GABRG1: variants seen among roughly 807,000 people sequenced by gnomAD.
The protein encoded by GABRG1 is gamma-aminobutyric acid receptor subunit gamma-1.
In GABRG1, 49 loss-of-function variants were observed where a neutral mutation model predicts 49.8. The ratio of observed to expected loss-of-function variants is 0.98; its 90% CI spans 0.78 to 1.25. The LOEUF (loss-of-function observed/expected upper bound fraction) is 1.25. GABRG1 is among the 50% of genes most tolerant of loss of function. GABRG1 has a pLI of 0.00. For synonymous variants in GABRG1, 232 were observed against 185.1 expected, an observed-to-expected ratio of 1.25 and a Z score of -2.06; for missense variants, 552 against 552.3, an observed-to-expected ratio of 1.00 and a Z score of 0.01.
intron 1 of GABRG1, among the ~76,000 whole-genome samples, chr4:46,113,281 C>A (rs1195455839): frequency 6.6e-6 from 1 of 151,072 alleles, no homozygotes; most frequent in African/African-American, 2.4e-5. Context: ...AACTTACAAT[C>A]ATGGTGAAGG....
At chr4:46,069,245 A>T (rs1049025571) in intron 3 of GABRG1, among the ~76,000 whole-genome samples, 5 of 152,048 alleles carry the variant, frequency 3.3e-5, no homozygotes, top group Non-Finnish European at 4.4e-5. Context: ...ATCCTGATTT[A>T]TTATTCCTAT....
chr4:46,076,401 A>G (rs1719333644), intron 3 of GABRG1, among the ~76,000 whole-genome samples: 1 of 140,404 alleles, frequency 7.1e-6, no homozygotes, highest in South Asian at 2.3e-4. Context: ...ATATATATAT[A>G]TATGCTAAAT....
intron 2 of GABRG1, among the ~76,000 whole-genome samples, chr4:46,087,692 A>G (rs111297233): frequency 3.9e-5 from 6 of 151,942 alleles, no homozygotes; most frequent in Non-Finnish European, 7.4e-5. Flanking sequence ...TACCACATAT[A>G]GACTTTGAAA....
At chr4:46,112,477 T>C (rs1720747603) in intron 1 of GABRG1, among the ~76,000 whole-genome samples, 1 of 151,362 alleles carries the variant, frequency 6.6e-6, no homozygotes, top group Non-Finnish European at 1.5e-5. Flanking sequence ...AGCAATCCCA[T>C]TACTGGGTAT....
chr4:46,118,243 GATCTATCT>G (rs71652878), intron 1 of GABRG1, among the ~76,000 whole-genome samples: 3,450 of 144,460 alleles, frequency 0.024, 109 homozygotes, highest in African/African-American at 0.072. Context: ...ATTACATATA[GATCTATCT>G]ATCTATCTAT....
In GABRG1 at chr4:46,107,478, T is replaced by C. The variant is rs527459065; in HGVS notation, c.105-10129A>G. Among the ~76,000 whole-genome samples, 149 of 151,114 alleles carry C rather than the reference T, an allele frequency of 9.9e-4. 1 individual carries two copies. Among genetic ancestry groups the C allele is most frequent in the Non-Finnish European group, 1.8e-3 (118 of 67,376 alleles). On this transcript the variant is annotated intron_variant, in intron 1 of 8. Transcript: ENST00000295452. ...CTCATTGTTACTCAGTTCCTTCCTT[T>C]CTTGTTTCCTTTCCTTCTCTTCTTC...
At position 46,039,025 on chromosome 4, in the gene GABRG1, A is replaced by T. The variant is rs1275725108; in HGVS notation, c.*1963T>A. 9.2e-5 allele frequency: 14 copies of T among 151,882 alleles called. No homozygotes were observed. The highest frequency in any genetic ancestry group is 1.5e-5 in the Non-Finnish European group (1 of 67,720). The allele number at this position is 151,882 out of a possible 1,614,324, so 9.4% of individuals were successfully genotyped here. ...ATACACTTGAAAGAGTCCCAAAATC[A>T]AAACTGTCTCATGATAGTAAGCTAT... is the stretch of plus-strand genomic sequence containing the variant. On this transcript the variant is annotated 3_prime_UTR_variant, in exon 9 of 9. Coordinates refer to ENST00000295452, the MANE Select transcript of GABRG1 (RefSeq NM_173536.4).
chr4:46,117,252 G>A (rs939591911), intron 1 of GABRG1, among the ~76,000 whole-genome samples: 3 of 150,372 alleles, frequency 2.0e-5, no homozygotes, highest in Admixed American at 1.3e-4. Flanking sequence ...GTTTACTTCT[G>A]TATCTCTATT....
intron 1 of GABRG1, among the ~76,000 whole-genome samples, chr4:46,121,800 T>G (rs557414357): frequency 6.6e-6 from 1 of 152,170 alleles, no homozygotes; most frequent in East Asian, 1.9e-4. Context: ...TAATGTATAT[T>G]TATTCACTGG....
At chr4:46,078,637 GT>G (rs952070153) in intron 3 of GABRG1, among the ~76,000 whole-genome samples, 2 of 151,918 alleles carry the variant, frequency 1.3e-5, no homozygotes, top group African/African-American at 4.8e-5. Flanking sequence ...TTCTCCATAT[GT>G]TTAGAATGCT....
At chr4:46,122,611 A>G (rs1480928043) in intron 1 of GABRG1, among the ~76,000 whole-genome samples, 1 of 152,102 alleles carries the variant, frequency 6.6e-6, no homozygotes, top group Non-Finnish European at 1.5e-5. Flanking sequence ...AATATTACTT[A>G]GCCTACTTTA....
chr4:46,090,937 C>G (rs1719962941), intron 2 of GABRG1, among the ~76,000 whole-genome samples: 1 of 136,916 alleles, frequency 7.3e-6, no homozygotes, highest in South Asian at 2.3e-4. Context: ...CTGGAATACA[C>G]ACACACACAC....
At position 46,073,331 on chromosome 4, in the gene GABRG1, A is replaced by T. The variant is rs377686561; in HGVS notation, c.322-7747T>A. 2.2e-4 allele frequency among the ~76,000 whole-genome samples: 33 copies of T among 151,998 alleles called. No homozygotes were observed. The East Asian group carries it at 2.7e-3, about 13-fold the overall frequency. On this transcript the variant is annotated intron_variant, in intron 3 of 8. Coordinates refer to ENST00000295452, the MANE Select transcript of GABRG1 (RefSeq NM_173536.4). Reference sequence around the variant, plus strand: ...TGAGATACAAGGAAGCCTTTCCAAGATCATAGAACGTGTAAGAGATTCTGA... The same window carrying T: ...TGAGATACAAGGAAGCCTTTCCAAGTTCATAGAACGTGTAAGAGATTCTGA...
intron 3 of GABRG1, among the ~76,000 whole-genome samples, chr4:46,077,145 T>A (rs1446554575): frequency 8.3e-6 from 1 of 119,882 alleles, no homozygotes; most frequent in African/African-American, 3.1e-5. Context: ...CACTGGGGAC[T>A]GTTGTGGGGT....
chr4:46,122,421 C>T (rs1026870352), intron 1 of GABRG1, among the ~76,000 whole-genome samples: 11 of 151,742 alleles, frequency 7.2e-5, no homozygotes, highest in Admixed American at 2.0e-4. Context: ...TTATAAAATG[C>T]TATAATATAT....
At chr4:46,117,816 ATC>A (rs35786168) in intron 1 of GABRG1, among the ~76,000 whole-genome samples, 1,288 of 112,138 alleles carry the variant, frequency 0.011, 28 homozygotes, top group African/African-American at 0.046. Flanking sequence ...ATACATGTGT[ATC>A]TATATACATA....
chr4:46,104,737 T>C (rs1720481539), intron 1 of GABRG1, among the ~76,000 whole-genome samples: 1 of 151,508 alleles, frequency 6.6e-6, no homozygotes, highest in Admixed American at 6.6e-5. Flanking sequence ...ATTTGACAAA[T>C]GTCTATTAGG....
At chr4:46,107,757 C>G (rs941635081) in intron 1 of GABRG1, among the ~76,000 whole-genome samples, 10 of 151,076 alleles carry the variant, frequency 6.6e-5, no homozygotes, top group Non-Finnish European at 1.3e-4. Context: ...ATCTCATGTT[C>G]TACAAACTTT....
At chr4:46,066,919 C>T (rs1490400492) in intron 3 of GABRG1, among the ~76,000 whole-genome samples, 1 of 150,474 alleles carries the variant, frequency 6.6e-6, no homozygotes, top group Non-Finnish European at 1.5e-5. Context: ...TGTATGTTTG[C>T]ATGTGTATGT....
Sources: allele counts gnomAD v4.1 joint callset (sites outside exome capture counted in the v4.1 genomes callset), GRCh38; gene constraint gnomAD v4.1.1; transcripts MANE v1.5; gene names NCBI Gene and HGNC (gene_info 2026-07-23, HGNC 2026-07-21).